The following PDLIM7 variants were observed in gnomAD, a reference collection of about 807,000 sequenced individuals.
The protein encoded by PDLIM7 is PDZ and LIM domain 7.
A neutral mutation model predicts 53.9 loss-of-function variants in PDLIM7; 37 were observed. The observed-to-expected ratio is 0.69, with a 90% CI of 0.53 to 0.90. The LOEUF (loss-of-function observed/expected upper bound fraction) is 0.90. PDLIM7 is among the 40% of genes least tolerant of loss of function. The pLI is 0.00. For synonymous variants in PDLIM7, 300 were observed against 261.3 expected (o/e 1.15, Z -1.43); for missense variants, 617 against 638.5 (o/e 0.97, Z 0.36).
At chr5:177,484,527 G>A (rs371412060) in intron 10 of PDLIM7, 2 of 276,060 alleles carry the variant, frequency 7.2e-6, no homozygotes, top group South Asian at 4.1e-5. Context: ...AGGTCCACCA[G>A]GAAATCCAGT....
At chr5:177,486,833 G>A (rs527405329) in intron 10 of PDLIM7, among the ~76,000 whole-genome samples, 263 of 149,820 alleles carry the variant, frequency 1.8e-3, no homozygotes, top group South Asian at 8.4e-4. Flanking sequence ...GGGTTTCACC[G>A]TGTTAGCCAG....
At chr5:177,484,372 G>A (rs1353013203) in intron 10 of PDLIM7, 182 bp from the exon 11 acceptor site, 9 of 663,562 alleles carry the variant, frequency 1.4e-5, no homozygotes, top group Non-Finnish European at 2.3e-5. Flanking sequence ...CGACCACTGC[G>A]CCTTCAGACT....
intron 10 of PDLIM7, among the ~76,000 whole-genome samples, chr5:177,487,392 C>CT (rs1346171915): frequency 9.2e-5 from 14 of 152,250 alleles, no homozygotes; most frequent in African/African-American, 3.4e-4. Flanking sequence ...GCAGCATCCT[C>CT]TAAGGATGGA....
intron 1 of PDLIM7, among the ~76,000 whole-genome samples, 164 bp downstream of exon 1, chr5:177,497,364 G>T (rs1759145062): frequency 6.6e-6 from 1 of 152,114 alleles, no homozygotes; most frequent in Non-Finnish European, 1.5e-5. Flanking sequence ...CCCCGCCGCA[G>T]CCGGCTTAGC....
rs2306764 is a variant in PDLIM7, at chr5:177,488,142, C to A, written c.976G>T (p.Ala326Ser). ...TCATAGCATGGTGGGCAGAAGATGG[C>A]GCCCTTCTCCTCAAAGAAGCCACCC... Reference protein sequence around the residue: ...EEGGFFEEKGAIFCPPCYDVR... With the variant: ...EEGGFFEEKGSIFCPPCYDVR... Residue 326 changes from alanine to serine, a missense_variant, in exon 10 of 13, where the codon GCC (alanine) becomes TCC (serine). Ala to Ser is a moderately conservative substitution (Grantham distance 99). Transcript: ENST00000355841. 1 of 1,613,134 alleles carries A rather than the reference C, an allele frequency of 6.2e-7. No individual in the cohort carries two copies. Among genetic ancestry groups the A allele is most frequent in the Non-Finnish European group, 8.5e-7 (1 of 1,179,890 alleles).
At chr5:177,490,367 C>G in intron 7 of PDLIM7, 1 of 1,461,596 alleles carries the variant, frequency 6.8e-7, no homozygotes, top group Non-Finnish European at 9.0e-7. Flanking sequence ...GCCAGGCCAG[C>G]AGGAGGCTCA....
intron 4 of PDLIM7, chr5:177,492,153 C>A: frequency 1.6e-6 from 1 of 609,714 alleles, no homozygotes; most frequent in East Asian, 2.8e-5. Context: ...CGAGTGCGGG[C>A]GAGCACGCAG....
rs775765511 is a variant in PDLIM7, at chr5:177,483,960, C to T, written c.1194G>A (p.Thr398=). The T allele has an allele frequency of 5.6e-6, 9 of 1,613,796 alleles. No individual in the cohort carries two copies. The highest frequency in any genetic ancestry group is 1.6e-4 in the Middle Eastern group (1 of 6,082). ...TCTTGAAGTCACAGCCATGGCATTT[C>T]GTGCCAAACATCTTCTCATAGTCTG... ...CERDYEKMFG[T]KCHGCDFKID... The change falls in exon 12 of 13, where the codon ACG becomes ACA. Residue 398 remains threonine (T), a synonymous_variant. Transcript: ENST00000355841.
chr5:177,489,327 G>T, intron 9 of PDLIM7, 66 bp downstream of exon 9: 1 of 1,218,086 alleles, frequency 8.2e-7, no homozygotes, highest in East Asian at 2.6e-5. Flanking sequence ...CAAGACAGGT[G>T]GGCAGACAGG....
chr5:177,491,899 C>T lies in PDLIM7; in HGVS notation c.306G>A (p.Pro102=). ...AGACGCTGGGTGCAAAGGTGTACCG[C>T]GGAGGGTCCGCGGCGGGGGCGGAGG... The part of the protein sequence containing the change: ...QKASAPAADP[P]RYTFAPSVSL... The change falls in exon 5 of 13, where the codon CCG becomes CCA. Residue 102 remains proline (P), a synonymous_variant. Coordinates refer to ENST00000355841, the MANE Select transcript of PDLIM7 (RefSeq NM_005451.5). 9.8e-7 allele frequency: 1 copy of T among 1,021,638 alleles called. No homozygotes were observed. Among genetic ancestry groups the T allele is most frequent in the Admixed American group, 7.4e-5 (1 of 13,564 alleles). The allele number at this position is 1,021,638 out of a possible 1,614,324, so 63.3% of individuals were successfully genotyped here.
intron 10 of PDLIM7, among the ~76,000 whole-genome samples, chr5:177,486,787 T>C (rs60156661): frequency 0.05 from 7,438 of 150,138 alleles, 369 homozygotes; most frequent in African/African-American, 0.13. Context: ...TACTCCACCA[T>C]GCCCGGCCAA....
chr5:177,489,465 G>A lies in PDLIM7; in HGVS notation c.797C>T (p.Ala266Val). 1.2e-6 allele frequency: 2 copies of A among 1,604,884 alleles called. No homozygotes were observed. Among genetic ancestry groups the A allele is most frequent in the South Asian group, 2.2e-5 (2 of 89,392 alleles). ...QSRTSIVQAAAGGVPGGGSNN... is the reference protein window; with the variant it reads ...QSRTSIVQAAVGGVPGGGSNN... ...GCTGCCCCCTCCTGGCACCCCTCCG[G>A]CAGCTGCCTGCACAATGGAGGTGCG... The change falls in exon 9 of 13, where the codon GCC becomes GTC. Residue 266 changes from alanine to valine, a missense_variant. Physicochemically the swap from Ala to Val is moderately conservative, Grantham distance 64. Transcript: ENST00000355841.
At chr5:177,486,823 G>A (rs1469920216) in intron 10 of PDLIM7, among the ~76,000 whole-genome samples, 1 of 151,456 alleles carries the variant, frequency 6.6e-6, no homozygotes, top group East Asian at 1.9e-4. Context: ...AGTAGAGATG[G>A]GGTTTCACCG....
rs1288405404 is a variant in PDLIM7 at position 177,490,728 on chromosome 5, A to G, written c.572+142T>C. ...AAGGAGGAAGGGAAGGAAGGAAGGA[A>G]GGAAGGAAGGAAGGAAGGAAGGAAG... On this transcript the variant is annotated intron_variant, in intron 7 of 12. Transcript: ENST00000355841. The G allele has an allele frequency of 1.3e-3, 850 of 659,936 alleles. 3 individuals carry two copies. The highest frequency in any genetic ancestry group is 9.4e-3 in the African/African-American group (483 of 51,332). The allele number at this position is 659,936 out of a possible 1,614,324, so 40.9% of individuals were successfully genotyped here.
rs766551812 is a variant in PDLIM7 at position 177,492,693 on chromosome 5, CAA to C, written c.97-18_97-17del. The stretch of plus-strand genomic sequence containing the variant: ...CAGGAGTGAGCTGTGGAGAGAGAAG[CAA>C]AGTGACCGAGGCCCTGGACCCTGCA... On this transcript the variant is annotated splice_polypyrimidine_tract_variant and intron_variant, in intron 2 of 12. Transcript: ENST00000355841. 7 of 1,596,974 alleles carry C rather than the reference CAA, an allele frequency of 4.4e-6. No individual in the cohort carries two copies. Among genetic ancestry groups the C allele is most frequent in the Middle Eastern group, 1.7e-4 (1 of 6,044 alleles).
chr5:177,483,766 G>A, intron 12 of PDLIM7, 36 bp from the exon 13 acceptor site: 2 of 1,591,922 alleles, frequency 1.3e-6, no homozygotes, highest in South Asian at 2.2e-5. Context: ...ATGGGGTTGG[G>A]GGCAGCAGGA....
chr5:177,493,580 A>T (rs553022441), intron 2 of PDLIM7, among the ~76,000 whole-genome samples: 56 of 152,198 alleles, frequency 3.7e-4, no homozygotes, highest in Non-Finnish European at 7.8e-4. Flanking sequence ...AGGGACCAGG[A>T]CTTGGCTTTG....
In PDLIM7 at chr5:177,483,482, G is replaced by A. The variant is rs1281964840; in HGVS notation, c.*162C>T. ...GTGTGCTGTGGTGGTGGAGGGAGTG[G>A]GGTGGGAGGATAAGGTGGGTGGGGC... is the stretch of plus-strand genomic sequence containing the variant. On this transcript the variant is annotated 3_prime_UTR_variant, in exon 13 of 13. Coordinates refer to ENST00000355841, the MANE Select transcript of PDLIM7 (RefSeq NM_005451.5). The A allele has an allele frequency of 1.7e-6, 1 of 596,604 alleles. No individual in the cohort carries two copies. The highest frequency in any genetic ancestry group is 3.0e-6 in the Non-Finnish European group (1 of 332,384). The allele number at this position is 596,604 out of a possible 1,614,324, so 37.0% of individuals were successfully genotyped here. A position where few individuals can be genotyped will look rare whatever the true frequency, so the allele number is the denominator to read the frequency against.
chr5:177,490,197 A>C (rs1758677823), intron 7 of PDLIM7: 1 of 1,443,070 alleles, frequency 6.9e-7, no homozygotes, highest in Non-Finnish European at 9.1e-7. Flanking sequence ...ACACCCCCAC[A>C]CCCCAAATGC....
Sources: allele counts gnomAD v4.1 joint callset (sites outside exome capture counted in the v4.1 genomes callset), GRCh38; gene constraint gnomAD v4.1.1; transcripts MANE v1.5; gene names NCBI Gene and HGNC (gene_info 2026-07-23, HGNC 2026-07-21).